Variants in FOXP1 observed in about 807,000 individuals in gnomAD.
The protein encoded by FOXP1 is forkhead box P1.
In FOXP1, 15 loss-of-function variants were observed where a neutral mutation model predicts 98.2. That is an observed-to-expected ratio of 0.15 (90% CI 0.10 to 0.24). The LOEUF is 0.24. FOXP1 is among the 10% of genes least tolerant of loss of function. The pLI is 1.00. For missense variants in FOXP1, 633 were observed against 848.5 expected, an observed-to-expected ratio of 0.75 and a Z score of 3.15; for synonymous variants, 371 against 314.5, an observed-to-expected ratio of 1.18 and a Z score of -1.90.
At chr3:71,224,647 C>T (rs576478573) in intron 5 of FOXP1, among the ~76,000 whole-genome samples, 2 of 152,188 alleles carry the variant, frequency 1.3e-5, no homozygotes, top group South Asian at 2.1e-4. Context: ...GAGGGCCCAG[C>T]ACCCAGCACA....
At chr3:71,355,247 A>T (rs1288925279) in intron 4 of FOXP1, among the ~76,000 whole-genome samples, 2 of 152,230 alleles carry the variant, frequency 1.3e-5, no homozygotes, top group African/African-American at 4.8e-5. Context: ...TTCAACAAAT[A>T]CCGACTGCAT....
At chr3:71,467,492 G>T (rs1025091301) in intron 3 of FOXP1, among the ~76,000 whole-genome samples, 2 of 152,114 alleles carry the variant, frequency 1.3e-5, no homozygotes, top group Non-Finnish European at 2.9e-5. Flanking sequence ...AAGACACGGC[G>T]GCCCTTTATC....
chr3:71,075,396 A>C (rs1179831127), intron 7 of FOXP1, among the ~76,000 whole-genome samples: 1 of 152,206 alleles, frequency 6.6e-6, no homozygotes, highest in Non-Finnish European at 1.5e-5. Context: ...TTTTGCTATA[A>C]TGAAATTACA....
intron 10 of FOXP1, among the ~76,000 whole-genome samples, chr3:71,043,261 A>T (rs1290149970): frequency 1.3e-5 from 2 of 152,242 alleles, no homozygotes; most frequent in Non-Finnish European, 2.9e-5. Flanking sequence ...CATAAAAATC[A>T]AATGCCAATT....
chr3:70,970,833 AG>A (rs1220897678), intron 18 of FOXP1, 28 bp from the exon 19 acceptor site: 1 of 1,543,590 alleles, frequency 6.5e-7, no homozygotes, highest in African/African-American at 1.4e-5. Context: ...AAAAACTCAA[AG>A]TTAAACACAG....
At chr3:71,151,137 A>G (rs72949391) in intron 6 of FOXP1, among the ~76,000 whole-genome samples, 4,735 of 152,286 alleles carry the variant, frequency 0.031, 251 homozygotes, top group African/African-American at 0.11. Context: ...TATTTAACTC[A>G]TCTGAGTCTC....
At chr3:71,525,988 G>A (rs553400826) in intron 2 of FOXP1, among the ~76,000 whole-genome samples, 14 of 152,170 alleles carry the variant, frequency 9.2e-5, no homozygotes, top group African/African-American at 3.4e-4. Flanking sequence ...AGGCATGGTG[G>A]TGGGCGCCTG....
chr3:71,035,557 A>C (rs2047462259), intron 11 of FOXP1, among the ~76,000 whole-genome samples: 1 of 152,162 alleles, frequency 6.6e-6, no homozygotes, highest in Non-Finnish European at 1.5e-5. Flanking sequence ...TGGCAGGCTG[A>C]CCATAATTTG....
At chr3:71,010,361 A>T (rs1379220857) in intron 12 of FOXP1, among the ~76,000 whole-genome samples, 1 of 152,154 alleles carries the variant, frequency 6.6e-6, no homozygotes, top group African/African-American at 2.4e-5. Flanking sequence ...GACCTTGGGT[A>T]AATCATTTAA....
At chr3:71,470,567 C>A (rs998307525) in intron 3 of FOXP1, among the ~76,000 whole-genome samples, 2 of 151,956 alleles carry the variant, frequency 1.3e-5, no homozygotes, top group Non-Finnish European at 2.9e-5. Flanking sequence ...TGGTGAACCG[C>A]GTCTCCACCA....
rs1490993313 is a variant in FOXP1, at chr3:71,201,613, C to T, written c.-11-3221G>A. 8.0e-5 allele frequency among the ~76,000 whole-genome samples: 12 copies of T among 150,172 alleles called. No individual in the cohort carries two copies. In the East Asian group the frequency reaches 1.8e-3, roughly 22 times the overall value. The stretch of plus-strand genomic sequence containing the variant: ...AGTGAGCAGACAGCATGCAACAGAG[C>T]AAGGCTCTGTCTCGAAAAAAGGGGG... On this transcript the variant is annotated intron_variant, in intron 5 of 20. Coordinates refer to ENST00000649528, the MANE Select transcript of FOXP1 (RefSeq NM_001349338.3).
At position 71,438,318 on chromosome 3, in the gene FOXP1, C is replaced by G. The variant is rs551028035; in HGVS notation, c.-168+55108G>C. Among the ~76,000 whole-genome samples, 6 of 152,260 alleles carry G rather than the reference C, an allele frequency of 3.9e-5. No homozygotes were observed. In the South Asian group the frequency reaches 1.2e-3, roughly 32 times the overall value. ...CAGCCTCGTTTAATATGAGCTACAT[C>G]GGCCGGAAAGTACTGGTGTTTTTGG... On this transcript the variant is annotated intron_variant, in intron 3 of 20. Transcript: ENST00000649528.
intron 4 of FOXP1, among the ~76,000 whole-genome samples, chr3:71,308,001 T>C (rs1428432127): frequency 6.6e-6 from 1 of 152,182 alleles, no homozygotes; most frequent in Non-Finnish European, 1.5e-5. Flanking sequence ...GAGCGCCGGA[T>C]TCGGGAGCGA....
chr3:70,966,505 T>G (rs1045404873), intron 19 of FOXP1, among the ~76,000 whole-genome samples: 1 of 152,230 alleles, frequency 6.6e-6, no homozygotes, highest in African/African-American at 2.4e-5. Context: ...CTCAAACTTA[T>G]GAGAACTTCC....
chr3:71,274,581 T>C (rs929784305), intron 5 of FOXP1, among the ~76,000 whole-genome samples: 1 of 152,222 alleles, frequency 6.6e-6, no homozygotes, highest in Non-Finnish European at 1.5e-5. Flanking sequence ...AAGTCTCTTT[T>C]TGCTTGAGCC....
At chr3:71,016,656 AAC>A (rs4056100) in intron 11 of FOXP1, among the ~76,000 whole-genome samples, 15,501 of 146,040 alleles carry the variant, frequency 0.11, 916 homozygotes, top group East Asian at 0.23. Flanking sequence ...TGATTACAAG[AAC>A]ACACACACAC....
chr3:71,142,952 G>A (rs914851228), intron 6 of FOXP1, among the ~76,000 whole-genome samples: 1 of 151,936 alleles, frequency 6.6e-6, no homozygotes, highest in Non-Finnish European at 1.5e-5. Context: ...AGATAAGGGG[G>A]CAGGAAAGAA....
chr3:71,018,968 G>T (rs751641939), intron 11 of FOXP1, among the ~76,000 whole-genome samples: 6 of 152,134 alleles, frequency 3.9e-5, no homozygotes, highest in Non-Finnish European at 8.8e-5. Context: ...TCTAACAGTG[G>T]CACAATGAAT....
chr3:71,187,313 T>G (rs1330292105), intron 6 of FOXP1, among the ~76,000 whole-genome samples: 1 of 152,112 alleles, frequency 6.6e-6, no homozygotes, highest in East Asian at 1.9e-4. Context: ...GGGCTGGGGG[T>G]GGTGGCTTAC....
Sources: gnomAD v4.1 joint callset for allele counts (sites outside exome capture counted in the v4.1 genomes callset) on GRCh38, gnomAD v4.1.1 for gene constraint, MANE v1.5 for transcripts, NCBI Gene and HGNC (gene_info 2026-07-23, HGNC 2026-07-21) for gene names.